Variants in DNAH5 observed in about 807,000 individuals in gnomAD.
DNAH5 encodes the protein axonemal beta dynein heavy chain 5.
In DNAH5, 372 loss-of-function variants were observed where a neutral mutation model predicts 518.2. That is an observed-to-expected ratio of 0.72 (90% CI 0.66 to 0.78). DNAH5 has a LOEUF of 0.78. Ranked by LOEUF, DNAH5 falls within the 30% of genes least tolerant of loss-of-function variation. DNAH5 has a pLI of 0.00. For missense variants in DNAH5, 5,523 were observed against 5,687.0 expected, an observed-to-expected ratio of 0.97 and a Z score of 0.93; for synonymous variants, 2,039 against 2,025.9, an observed-to-expected ratio of 1.01 and a Z score of -0.17.
intron 1 of DNAH5, among the ~76,000 whole-genome samples, chr5:14,004,500 C>T (rs1047437132): frequency 6.6e-6 from 1 of 152,182 alleles, no homozygotes; most frequent in East Asian, 1.9e-4. Context: ...ATTAATAATG[C>T]ACCTTGCATT....
intron 78 of DNAH5, among the ~76,000 whole-genome samples, chr5:13,696,805 G>C (rs891618769): frequency 6.6e-6 from 1 of 151,980 alleles, no homozygotes; most frequent in Non-Finnish European, 1.5e-5. Flanking sequence ...AACTCTTACT[G>C]AAATCAAAAA....
intron 19 of DNAH5, among the ~76,000 whole-genome samples, 158 bp from the exon 20 acceptor site, chr5:13,883,252 T>G (rs1771931343): frequency 6.6e-6 from 1 of 152,060 alleles, no homozygotes; most frequent in South Asian, 2.1e-4. Context: ...GAGGATCTAG[T>G]ATTGCTCAAT....
chr5:13,771,252 C>T, intron 55 of DNAH5: 1 of 445,830 alleles, frequency 2.2e-6, no homozygotes, highest in South Asian at 2.3e-5. Flanking sequence ...TTCTACACAG[C>T]TGCAGGTTCT....
intron 1 of DNAH5, among the ~76,000 whole-genome samples, chr5:13,979,281 TC>T (rs1473819165): frequency 2.0e-5 from 3 of 151,996 alleles, no homozygotes; most frequent in Admixed American, 1.3e-4. Context: ...AAATTTCAAT[TC>T]CCCCCACCAT....
chr5:13,729,593 C>G, intron 68 of DNAH5, 33 bp from the exon 69 acceptor site: 1 of 1,572,256 alleles, frequency 6.4e-7, no homozygotes, highest in Non-Finnish European at 8.7e-7. Context: ...ATCAGATTTC[C>G]CTTCCTTCAC....
In DNAH5 at chr5:13,735,278, T is replaced by C. The variant is rs572139897; in HGVS notation, c.11614A>G (p.Ile3872Val). The C allele has an allele frequency of 1.1e-5, 17 of 1,614,148 alleles. No individual in the cohort carries two copies. The highest frequency in any genetic ancestry group is 1.4e-5 in the Non-Finnish European group (16 of 1,180,012). ...TAAACCTCGTAGGTCATGTGCTCGA[T>C]GATATTAGCAATCCTCTTGCTTGTA... ...PITSKRIANI[I>V]EHMTYEVYKY... The change falls in exon 68 of 79, where the codon ATC becomes GTC. Residue 3872 changes from isoleucine (I) to valine (V), a missense_variant. By Grantham distance (29) the Ile-to-Val change is conservative. Coordinates refer to ENST00000265104, the MANE Select transcript of DNAH5 (RefSeq NM_001369.3).
At chr5:13,808,028 G>A (rs1022769857) in intron 46 of DNAH5, among the ~76,000 whole-genome samples, 2 of 151,890 alleles carry the variant, frequency 1.3e-5, no homozygotes, top group Non-Finnish European at 2.9e-5. Flanking sequence ...TCAGGAGTTC[G>A]AGACCAGCCT....
intron 38 of DNAH5, among the ~76,000 whole-genome samples, chr5:13,828,410 T>C (rs2151832798): frequency 6.6e-6 from 1 of 152,380 alleles, no homozygotes; most frequent in East Asian, 1.9e-4. Context: ...TAATTTTTAC[T>C]GATATGTACT....
chr5:13,787,136 T>C (rs4701985), intron 51 of DNAH5, among the ~76,000 whole-genome samples: 149,534 of 151,496 alleles, frequency 0.99, 73,804 homozygotes, highest in East Asian at 1. Flanking sequence ...AGGAGAATCG[T>C]CAGGAGGCCG....
At chr5:13,824,465 A>C in intron 38 of DNAH5, 132 bp from the exon 39 acceptor site, 3 of 817,878 alleles carry the variant, frequency 3.7e-6, no homozygotes, top group Non-Finnish European at 6.0e-6. Context: ...CATACACACA[A>C]TGGGGTAAAA....
intron 51 of DNAH5, 88 bp from the exon 52 acceptor site, chr5:13,786,439 C>A (rs777399676): frequency 3.8e-6 from 5 of 1,299,850 alleles, no homozygotes; most frequent in Non-Finnish European, 5.5e-6. Flanking sequence ...GCTCTACAAC[C>A]TAACACTGAA....
chr5:13,775,982 A>C (rs1410319949), intron 55 of DNAH5, among the ~76,000 whole-genome samples: 2 of 152,184 alleles, frequency 1.3e-5, no homozygotes, highest in Non-Finnish European at 2.9e-5. Context: ...CAAAAAAAAA[A>C]AAAAAAAGCT....
chr5:13,919,085 A>ATTTTTTT, intron 7 of DNAH5, 91 bp downstream of exon 7: 1 of 1,494,402 alleles, frequency 6.7e-7, no homozygotes, highest in Admixed American at 1.7e-5. Flanking sequence ...GTATAATAAC[A>ATTTTTTT]TTTTTTTGTT....
chr5:13,743,879 C>T (rs745612194), intron 65 of DNAH5, among the ~76,000 whole-genome samples: 9 of 152,080 alleles, frequency 5.9e-5, no homozygotes, highest in Non-Finnish European at 1.3e-4. Context: ...CTAGAACAAC[C>T]ACTATGGAGA....
intron 52 of DNAH5, among the ~76,000 whole-genome samples, chr5:13,785,098 T>C (rs1050136139): frequency 4.6e-5 from 7 of 152,120 alleles, no homozygotes; most frequent in African/African-American, 1.7e-4. Flanking sequence ...CTCGCCATAA[T>C]GTAGAATCAG....
chr5:13,914,570 G>A lies in DNAH5; in HGVS notation c.1270C>T (p.Pro424Ser). 6.2e-7 allele frequency: 1 copy of A among 1,613,412 alleles called. No homozygotes were observed. Among genetic ancestry groups the A allele is most frequent in the South Asian group, 1.1e-5 (1 of 91,062 alleles). Residue 424 changes from proline to serine, a missense_variant, in exon 10 of 79, where the codon CCA becomes TCA. Transcript: ENST00000265104. ...ATTTTTTCTTCAACAACATCCTGTG[G>A]CTGGTTCCAGATGGAAGCGGTTCCA... ...NNGTASIWNQ[P>S]QDVVEEKILS...
intron 77 of DNAH5, 100 bp downstream of exon 77, chr5:13,701,184 A>G: frequency 1.3e-6 from 2 of 1,522,922 alleles, no homozygotes; most frequent in Non-Finnish European, 9.1e-7. Context: ...AAAAAGAGAC[A>G]GTCATTCTCT....
In DNAH5 at chr5:13,978,010, G is replaced by C. The variant is rs187601763; in HGVS notation, c.12+33638C>G. On this transcript the variant is annotated intron_variant, in intron 1 of 78. Transcript: ENST00000681290. ...AAAGGCTGTGTATATAAGCTCCATGGGGGACTCTGTGAGAGCTGAGTGGAA... is the reference window on the plus strand; with the variant it reads ...AAAGGCTGTGTATATAAGCTCCATGCGGGACTCTGTGAGAGCTGAGTGGAA... 1.1e-3 allele frequency among the ~76,000 whole-genome samples: 175 copies of C among 152,266 alleles called. 2 individuals carry two copies. The highest frequency in any genetic ancestry group is 3.8e-3 in the African/African-American group (157 of 41,548).
intron 38 of DNAH5, among the ~76,000 whole-genome samples, chr5:13,826,861 G>A (rs1390165970): frequency 6.6e-6 from 1 of 152,180 alleles, no homozygotes; most frequent in South Asian, 2.1e-4. Flanking sequence ...GAAGAAATGT[G>A]GGAAAGTTTG....
Sources: allele counts gnomAD v4.1 joint callset (sites outside exome capture counted in the v4.1 genomes callset), GRCh38; gene constraint gnomAD v4.1.1; transcripts MANE v1.5; gene names NCBI Gene and HGNC (gene_info 2026-07-23, HGNC 2026-07-21).